The following DNAH17 variants were observed in gnomAD, a reference collection of about 807,000 sequenced individuals.
The protein encoded by DNAH17 is dynein axonemal heavy chain 17.
DNAH17 carries 376 observed loss-of-function variants against 485.6 expected under a neutral mutation model. The ratio of observed to expected loss-of-function variants is 0.77; its 90% CI spans 0.71 to 0.84. The LOEUF (loss-of-function observed/expected upper bound fraction) is 0.84, where lower values mean the gene tolerates loss of function less well. Among genes scored for constraint, DNAH17 ranks in the 40% least tolerant of loss-of-function variants. DNAH17 has a pLI of 0.00. For missense variants in DNAH17, 6,370 were observed against 5,839.3 expected, an observed-to-expected ratio of 1.09 and a Z score of -2.96; for synonymous variants, 3,031 against 2,405.9, an observed-to-expected ratio of 1.26 and a Z score of -7.60.
chr17:78,567,262 G>T, intron 9 of DNAH17, 96 bp from the exon 10 acceptor site: 2 of 1,352,972 alleles, frequency 1.5e-6, no homozygotes. Context: ...GAGGAGCTGG[G>T]GAGCAAAATG....
chr17:78,451,934 T>C (rs1228317573), intron 65 of DNAH17, among the ~76,000 whole-genome samples: 3 of 152,040 alleles, frequency 2.0e-5, no homozygotes, highest in African/African-American at 7.2e-5. Context: ...CCTCTGGCGA[T>C]ACTCTGTCCT....
chr17:78,551,299 A>C (rs1284161071), intron 16 of DNAH17, among the ~76,000 whole-genome samples: 1 of 152,202 alleles, frequency 6.6e-6, no homozygotes, highest in Non-Finnish European at 1.5e-5. Context: ...CCTGGCACAG[A>C]GGGGGCCTTG....
chr17:78,529,729 C>A (rs574362238), intron 21 of DNAH17, 35 bp from the exon 22 acceptor site: 1 of 1,601,154 alleles, frequency 6.2e-7, no homozygotes, highest in Non-Finnish European at 8.5e-7. Context: ...GTGGCCCCAG[C>A]CCCCCTTAGG....
At chr17:78,560,083 C>T (rs891674726) in intron 13 of DNAH17, among the ~76,000 whole-genome samples, 11 of 152,160 alleles carry the variant, frequency 7.2e-5, no homozygotes, top group African/African-American at 1.9e-4. Flanking sequence ...TTGACTCCCT[C>T]GTGAATGCTA....
Position 78,466,731 on chromosome 17 carries a change from TCGA to T in DNAH17, c.8861_8863del (p.Ile2954_Asp2955delinsAsn). Reference sequence around the variant, plus strand: ...ATCTTCCGGCCACTCGTGGAACCAGTCGATGGCCGTGCAGTTGACCACAGCTGG... The same window carrying T: ...ATCTTCCGGCCACTCGTGGAACCAGTTGGCCGTGCAGTTGACCACAGCTGG... On this transcript the variant is annotated inframe_deletion, in exon 56 of 81. Transcript: ENST00000389840. The T allele has an allele frequency of 6.2e-7, 1 of 1,613,068 alleles. No individual in the cohort carries two copies. Among genetic ancestry groups the T allele is most frequent in the Non-Finnish European group, 8.5e-7 (1 of 1,179,618 alleles).
intron 10 of DNAH17, 60 bp from the exon 11 acceptor site, chr17:78,566,790 C>T: frequency 1.4e-6 from 2 of 1,416,798 alleles, no homozygotes. Context: ...CAAGGGCACC[C>T]TCTCCAGCCC....
At position 78,510,408 on chromosome 17, in the gene DNAH17, G is replaced by A. The variant is rs371775556; in HGVS notation, c.4212C>T (p.Ala1404=). The A allele has an allele frequency of 2.6e-5, 42 of 1,613,118 alleles. No individual in the cohort carries two copies. Among genetic ancestry groups the A allele is most frequent in the African/African-American group, 8.0e-5 (6 of 74,884 alleles). The part of the protein sequence containing the change: ...EDEVRNIVDK[A]VKESGMEKVL... ...CCTTTTCCATGCCCGACTCCTTCAC[G>A]GCCTTGTCCACGATGTTGCGGACCT... The change falls in exon 27 of 81, where the codon GCC becomes GCT. Residue 1404 remains alanine, a synonymous_variant. Transcript: ENST00000389840.
chr17:78,450,274 C>T lies in DNAH17; in HGVS notation c.11020G>A (p.Val3674Ile), dbSNP rs543568139. The T allele has an allele frequency of 1.2e-4, 195 of 1,613,872 alleles. No individual in the cohort carries two copies. Among genetic ancestry groups the T allele is most frequent in the South Asian group, 5.8e-4 (53 of 91,082 alleles). Reference sequence around the variant, plus strand: ...CGCACCTTGAGGGAGAACTGGTAGACGGGGTTGATTTTGTTGAGATCGTTC... The same window carrying T: ...CGCACCTTGAGGGAGAACTGGTAGATGGGGTTGATTTTGTTGAGATCGTTC... ...ILNDLNKINP[V>I]YQFSLKAFNV... is the part of the protein sequence containing the mutation. The change falls in exon 68 of 81, where the codon GTC (valine) becomes ATC (isoleucine). Residue 3674 changes from valine (V) to isoleucine (I), a missense_variant. By Grantham distance (29) the Val-to-Ile change is conservative (BLOSUM62 3). Transcript: ENST00000389840.
rs1352835020 is a variant in DNAH17 at position 78,560,883 on chromosome 17, T to C, written c.1888A>G (p.Met630Val). Reference sequence around the variant, plus strand: ...TCGCGGTGGCACCTCAGCAGCTCCATCATCTCGTCATACTTCTGATAGGTC... The same window carrying C: ...TCGCGGTGGCACCTCAGCAGCTCCACCATCTCGTCATACTTCTGATAGGTC... ...KLTYQKYDEM[M>V]ELLRCHREKI... The change falls in exon 13 of 81, where the codon ATG (methionine) becomes GTG (valine). Residue 630 changes from methionine (M) to valine (V), a missense_variant. By Grantham distance (21) the Met-to-Val change is conservative. Transcript: ENST00000389840. 4.5e-6 allele frequency: 7 copies of C among 1,551,446 alleles called. No homozygotes were observed. In the East Asian group the frequency reaches 1.2e-4, roughly 27 times the overall value.
At chr17:78,483,993 G>A (rs1345775493) in intron 48 of DNAH17, among the ~76,000 whole-genome samples, 1 of 149,500 alleles carries the variant, frequency 6.7e-6, no homozygotes, top group Non-Finnish European at 1.5e-5. Flanking sequence ...CTACTCAGGA[G>A]GCTGAGGAAG....
chr17:78,560,931 T>C lies in DNAH17; in HGVS notation c.1840A>G (p.Met614Val), dbSNP rs1377701985. The stretch of plus-strand genomic sequence containing the variant: ...GTCAGCTTGGCCTCTGCTCCAGACA[T>C]GACCCTGGAATCAGAGCGGGAAGGC... ...KHLKHVEHPV[M>V]SGAEAKLTYQ... The change falls in exon 13 of 81, where the codon ATG becomes GTG. Residue 614 changes from methionine (M) to valine (V), a missense_variant. Met to Val is a conservative substitution (Grantham distance 21). Coordinates refer to ENST00000389840, the MANE Select transcript of DNAH17 (RefSeq NM_173628.4). 5 of 1,548,594 alleles carry C rather than the reference T, an allele frequency of 3.2e-6. No homozygotes were observed. Among genetic ancestry groups the C allele is most frequent in the African/African-American group, 2.7e-5 (2 of 73,024 alleles).
At chr17:78,544,728 G>A (rs2091705320) in intron 16 of DNAH17, among the ~76,000 whole-genome samples, 1 of 144,550 alleles carries the variant, frequency 6.9e-6, no homozygotes, top group Middle Eastern at 3.8e-3. Flanking sequence ...GTGAACCCGG[G>A]AGGCAGAGCT....
Position 78,490,788 on chromosome 17 carries a change from G to C in DNAH17, c.6729C>G (p.Phe2243Leu), listed in dbSNP as rs184693454. The C allele has an allele frequency of 1.9e-6, 3 of 1,604,162 alleles. No individual in the cohort carries two copies. Among genetic ancestry groups the C allele is most frequent in the Non-Finnish European group, 2.6e-6 (3 of 1,175,706 alleles). Residue 2243 changes from phenylalanine (F) to leucine (L), a missense_variant, in exon 44 of 81, where the codon TTC becomes TTG. Physicochemically the swap from Phe to Leu is conservative, Grantham distance 22 (BLOSUM62 0). Coordinates refer to ENST00000389840, the MANE Select transcript of DNAH17 (RefSeq NM_173628.4). The part of the protein sequence containing the change: ...IPLNRTMRLV[F>L]EISHLRTATP... ...TGGCCGTCCTCAGGTGGCTGATTTC[G>C]AACACCAGCCTCATGGTGCGGTTCA...
chr17:78,567,974 G>A (rs937275768), intron 9 of DNAH17, among the ~76,000 whole-genome samples: 2 of 152,140 alleles, frequency 1.3e-5, no homozygotes, highest in African/African-American at 2.4e-5. Context: ...CCCTGAACTG[G>A]TGCTGAGGTT....
At chr17:78,486,691 G>A (rs1403580020) in intron 44 of DNAH17, among the ~76,000 whole-genome samples, 185 bp from the exon 45 acceptor site, 1 of 152,232 alleles carries the variant, frequency 6.6e-6, no homozygotes, top group Non-Finnish European at 1.5e-5. Context: ...CCCTGAAAGG[G>A]TCGGAGGAGG....
chr17:78,430,568 T>C (rs1193536610), intron 75 of DNAH17, among the ~76,000 whole-genome samples: 1 of 152,176 alleles, frequency 6.6e-6, no homozygotes. Context: ...TTTATATACA[T>C]ATGTATATAT....
chr17:78,515,424 A>G (rs2090754822), intron 25 of DNAH17, among the ~76,000 whole-genome samples: 1 of 152,184 alleles, frequency 6.6e-6, no homozygotes, highest in Non-Finnish European at 1.5e-5. Context: ...CAGGAGAATC[A>G]CTTGATCCTG....
At position 78,501,169 on chromosome 17, in the gene DNAH17, A is replaced by AG. The variant is rs1226837469; in HGVS notation, c.5483+14dup. On this transcript the variant is annotated intron_variant, in intron 35 of 80. Transcript: ENST00000389840. Reference sequence around the variant, plus strand: ...CACCAAGAGCACATGTGAGTTACTCAGGGACGGGCCTCACCTGTCAGTGAG... The same window carrying AG: ...CACCAAGAGCACATGTGAGTTACTCAGGGGACGGGCCTCACCTGTCAGTGAG... 1 of 1,563,304 alleles carries AG rather than the reference A, an allele frequency of 6.4e-7. No individual in the cohort carries two copies. Among genetic ancestry groups the AG allele is most frequent in the Non-Finnish European group, 8.7e-7 (1 of 1,145,026 alleles).
intron 16 of DNAH17, among the ~76,000 whole-genome samples, chr17:78,544,824 A>AAAAAAAATT (rs2091711195): frequency 6.8e-6 from 1 of 146,874 alleles, no homozygotes. Flanking sequence ...AAAAAAAAAA[A>AAAAAAAATT]GGTGGGGGTG....
Sources: allele counts gnomAD v4.1 joint callset (sites outside exome capture counted in the v4.1 genomes callset), GRCh38; gene constraint gnomAD v4.1.1; transcripts MANE v1.5; gene names NCBI Gene and HGNC (gene_info 2026-07-23, HGNC 2026-07-21).